SLC28A3: variants seen among roughly 807,000 people sequenced by gnomAD.
The protein encoded by SLC28A3 is solute carrier family 28 member 3.
A neutral mutation model predicts 84.2 loss-of-function variants in SLC28A3; 68 were observed. That is an observed-to-expected ratio of 0.81 (90% CI 0.66 to 0.99). The LOEUF (loss-of-function observed/expected upper bound fraction) is 0.99. Ranked by LOEUF, SLC28A3 falls within the 50% of genes least tolerant of loss-of-function variation. SLC28A3 has a pLI of 0.00. For synonymous variants in SLC28A3, 267 were observed against 303.6 expected, an observed-to-expected ratio of 0.88 and a Z score of 1.25; for missense variants, 712 against 841.5, an observed-to-expected ratio of 0.85 and a Z score of 1.90.
intron 1 of SLC28A3, among the ~76,000 whole-genome samples, chr9:84,319,585 C>T (rs541848267): frequency 2.0e-5 from 3 of 152,264 alleles, no homozygotes; most frequent in East Asian, 1.9e-4. Context: ...ATTACCCTTG[C>T]GGCTGTTGGG....
At chr9:84,325,707 A>G (rs1826524558) in intron 1 of SLC28A3, among the ~76,000 whole-genome samples, 1 of 152,246 alleles carries the variant, frequency 6.6e-6, no homozygotes. Context: ...CCAGGATATT[A>G]GAAGGAAGAT....
At chr9:84,350,177 A>G in the SLC28A3 span, among the ~76,000 whole-genome samples, 2 of 152,246 alleles carry the variant, frequency 1.3e-5, no homozygotes, top group African/African-American at 4.8e-5. Flanking sequence ...ACGGTGGCTC[A>G]TGCCTGTAAT....
intron 14 of SLC28A3, among the ~76,000 whole-genome samples, chr9:84,284,207 G>A (rs1332121911): frequency 1.3e-5 from 2 of 152,206 alleles, no homozygotes; most frequent in African/African-American, 4.8e-5. Context: ...TTTTGGCAGG[G>A]AAACAAACTG....
intron 1 of SLC28A3, among the ~76,000 whole-genome samples, chr9:84,330,416 G>T (rs1309209648): frequency 6.6e-6 from 1 of 152,210 alleles, no homozygotes; most frequent in East Asian, 1.9e-4. Context: ...AGATCTGTGT[G>T]TGTGTATGAA....
intron 11 of SLC28A3, 21 bp from the exon 12 acceptor site, chr9:84,288,199 A>C: frequency 6.2e-7 from 1 of 1,613,614 alleles, no homozygotes; most frequent in Non-Finnish European, 8.5e-7. Context: ...AGAAGAAAGA[A>C]GGCAAACCTG....
intron 12 of SLC28A3, 73 bp from the exon 13 acceptor site, chr9:84,286,184 G>T: frequency 6.9e-7 from 1 of 1,447,542 alleles, no homozygotes; most frequent in Non-Finnish European, 9.5e-7. Context: ...TGCAGAAGTA[G>T]CATAATCAGA....
intron 5 of SLC28A3, among the ~76,000 whole-genome samples, chr9:84,300,517 G>A (rs1192994518): frequency 6.6e-6 from 1 of 152,216 alleles, no homozygotes; most frequent in African/African-American, 2.4e-5. Context: ...TGACAAATCT[G>A]ACTCAGGACT....
In SLC28A3 at chr9:84,276,760, C is replaced by T. The variant is rs1402898509; in HGVS notation, c.*1458G>A. 1 of 152,204 alleles carries T rather than the reference C, an allele frequency of 6.6e-6. No individual in the cohort carries two copies. Among genetic ancestry groups the T allele is most frequent in the African/African-American group, 2.4e-5 (1 of 41,446 alleles). 9.4% of individuals were successfully genotyped at this position (152,204 alleles called of 1,614,324 possible). ...CTTCACCACCACAAAAAACAAAACA[C>T]ACAAAAAACCCCAACTATTTTCACA... On this transcript the variant is annotated 3_prime_UTR_variant, in exon 18 of 18. Transcript: ENST00000376238.
chr9:84,304,296 ACTGT>A (rs1224621881), intron 4 of SLC28A3, among the ~76,000 whole-genome samples: 1 of 152,198 alleles, frequency 6.6e-6, no homozygotes, highest in Non-Finnish European at 1.5e-5. Flanking sequence ...CCCTATTCCA[ACTGT>A]CTGAGCACCA....
chr9:84,291,003 G>A (rs993121297), intron 10 of SLC28A3, among the ~76,000 whole-genome samples: 1 of 152,186 alleles, frequency 6.6e-6, no homozygotes, highest in African/African-American at 2.4e-5. Context: ...CAGGCAGCCT[G>A]CGGCATGGGG....
chr9:84,358,912 C>T, the SLC28A3 span, among the ~76,000 whole-genome samples: 1 of 152,160 alleles, frequency 6.6e-6, no homozygotes, highest in Non-Finnish European at 1.5e-5. Flanking sequence ...AAGTGATCCT[C>T]CCACCTCAGC....
chr9:84,331,178 G>A (rs1181305155), intron 1 of SLC28A3, among the ~76,000 whole-genome samples: 3 of 152,178 alleles, frequency 2.0e-5, no homozygotes, highest in East Asian at 3.9e-4. Flanking sequence ...GGAAAGAGTA[G>A]AGAATATACT....
chr9:84,330,055 A>G (rs1408681816), intron 1 of SLC28A3, among the ~76,000 whole-genome samples: 3 of 152,176 alleles, frequency 2.0e-5, no homozygotes, highest in African/African-American at 7.2e-5. Flanking sequence ...CAAAGTTAGC[A>G]GAAAGAAAGA....
intron 1 of SLC28A3, among the ~76,000 whole-genome samples, chr9:84,329,303 A>AC (rs779471901): frequency 5.3e-5 from 8 of 152,228 alleles, no homozygotes; most frequent in Non-Finnish European, 1.2e-4. Flanking sequence ...TTCAGTAATG[A>AC]CTAGAACTAG....
intron 1 of SLC28A3, among the ~76,000 whole-genome samples, chr9:84,324,824 C>T (rs1202874786): frequency 1.3e-5 from 2 of 152,096 alleles, no homozygotes; most frequent in African/African-American, 4.8e-5. Context: ...AGTAAGGCAA[C>T]TGGATCATTA....
the SLC28A3 span, among the ~76,000 whole-genome samples, chr9:84,357,645 C>T: frequency 6.6e-6 from 1 of 151,904 alleles, no homozygotes; most frequent in East Asian, 1.9e-4. Context: ...TGGGGTGAGC[C>T]CCAGGCAGCA....
At chr9:84,341,784 T>C (rs1827163380), upstream of SLC28A3, among the ~76,000 whole-genome samples, 1 of 151,608 alleles carries the variant, frequency 6.6e-6, no homozygotes, top group Non-Finnish European at 1.5e-5. Flanking sequence ...TCTTTTAAAA[T>C]AGGGATTTTC....
chr9:84,322,647 C>T (rs1826416677), intron 1 of SLC28A3, among the ~76,000 whole-genome samples: 1 of 152,042 alleles, frequency 6.6e-6, no homozygotes, highest in Non-Finnish European at 1.5e-5. Context: ...GAGTCCCAGA[C>T]CAGCCTGGCC....
chr9:84,285,845 TCTA>T, intron 13 of SLC28A3, 95 bp downstream of exon 13: 1 of 1,350,636 alleles, frequency 7.4e-7, no homozygotes, highest in Non-Finnish European at 1.0e-6. Context: ...TGTGGAAGAG[TCTA>T]CTGAGGTTAG....
Sources: allele counts gnomAD v4.1 joint callset (sites outside exome capture counted in the v4.1 genomes callset), GRCh38; gene constraint gnomAD v4.1.1; transcripts MANE v1.5; gene names NCBI Gene and HGNC (gene_info 2026-07-23, HGNC 2026-07-21).